ZNF567: variants seen among roughly 807,000 people sequenced by gnomAD.
The protein encoded by ZNF567 is zinc finger protein 567.
Under a neutral mutation model 53.9 loss-of-function variants are expected in ZNF567, and 36 were observed. That is an observed-to-expected ratio of 0.67 (90% confidence interval 0.51 to 0.88). The LOEUF is 0.88. Ranked by LOEUF, ZNF567 falls within the 40% of genes least tolerant of loss-of-function variation. The probability of loss-of-function intolerance (pLI) is 0.00; values close to 1 mark genes in which losing one functional copy is unlikely to be tolerated. For synonymous variants in ZNF567, 224 were observed against 260.4 expected (o/e 0.86, Z 1.35); for missense variants, 619 against 764.7 (o/e 0.81, Z 2.25).
the ZNF567 span, among the ~76,000 whole-genome samples, chr19:36,681,561 C>A: frequency 6.6e-6 from 1 of 151,968 alleles, no homozygotes; most frequent in Non-Finnish European, 1.5e-5. Context: ...TCCCAAGTAT[C>A]TGGGACTACA....
chr19:36,694,937 T>C (rs369748402), intron 3 of ZNF567, 61 bp downstream of exon 3: 2 of 1,484,538 alleles, frequency 1.3e-6, no homozygotes, highest in African/African-American at 2.9e-5. Flanking sequence ...TTTAAGGATA[T>C]TTGGGCATGT....
intron 2 of ZNF567, 55 bp downstream of exon 2, chr19:36,689,552 C>T (rs956878769): frequency 1.6e-4 from 25 of 152,114 alleles, no homozygotes; most frequent in Admixed American, 1.2e-3. Flanking sequence ...TCCAGATACA[C>T]TTCCCTTCTC....
downstream of ZNF567, among the ~76,000 whole-genome samples, chr19:36,722,528 C>T (rs1568724084): frequency 6.6e-6 from 1 of 152,124 alleles, no homozygotes; most frequent in African/African-American, 2.4e-5. Flanking sequence ...TCTTGAACTC[C>T]TGACCTCGTG....
the ZNF567 span, among the ~76,000 whole-genome samples, chr19:36,679,130 C>G: frequency 1.3e-5 from 2 of 152,018 alleles, no homozygotes; most frequent in Non-Finnish European, 2.9e-5. Context: ...AATAAAAATA[C>G]AAAAAATTAA....
At chr19:36,721,895 C>T (rs939801234), downstream of ZNF567, among the ~76,000 whole-genome samples, 8 of 151,900 alleles carry the variant, frequency 5.3e-5, no homozygotes, top group Non-Finnish European at 2.9e-5. Flanking sequence ...CAGGCATGTG[C>T]CATCACGCCC....
the ZNF567 span, among the ~76,000 whole-genome samples, chr19:36,672,789 T>TC: frequency 6.6e-6 from 1 of 152,086 alleles, no homozygotes. Flanking sequence ...AAAACTACCA[T>TC]CCAGACCCTT....
At chr19:36,673,508 C>T in the ZNF567 span, among the ~76,000 whole-genome samples, 1 of 152,254 alleles carries the variant, frequency 6.6e-6, no homozygotes, top group East Asian at 1.9e-4. Flanking sequence ...AGTACAAAGG[C>T]TAATGTCTGA....
downstream of ZNF567, among the ~76,000 whole-genome samples, chr19:36,722,784 T>C (rs1461672220): frequency 6.6e-6 from 1 of 152,168 alleles, no homozygotes; most frequent in Non-Finnish European, 1.5e-5. Flanking sequence ...TTTCTGATAA[T>C]TTCATAGCAA....
chr19:36,724,131 C>T (rs2040324808), downstream of ZNF567, among the ~76,000 whole-genome samples: 1 of 150,482 alleles, frequency 6.6e-6, no homozygotes, highest in African/African-American at 2.4e-5. Context: ...CTCAGTCTCC[C>T]GAGTAGCTGG....
intron 3 of ZNF567, among the ~76,000 whole-genome samples, chr19:36,703,943 T>C (rs1252447741): frequency 6.6e-6 from 1 of 152,214 alleles, no homozygotes; most frequent in Non-Finnish European, 1.5e-5. Context: ...CCCACTGTCC[T>C]GCGCCCACTG....
intron 5 of ZNF567, chr19:36,714,438 A>G: frequency 2.5e-6 from 1 of 398,344 alleles, no homozygotes; most frequent in Non-Finnish European, 4.4e-6. Flanking sequence ...CTGGGATTAC[A>G]GGCTTGAGCC....
chr19:36,700,921 C>A (rs964862888), intron 3 of ZNF567, among the ~76,000 whole-genome samples: 78 of 151,928 alleles, frequency 5.1e-4, no homozygotes, highest in Admixed American at 1.2e-3. Flanking sequence ...TCTCTATTTC[C>A]TTCAGTTCTG....
intron 3 of ZNF567, among the ~76,000 whole-genome samples, chr19:36,702,379 C>T (rs9676345): frequency 0.32 from 48,684 of 150,030 alleles, 8,215 homozygotes; most frequent in East Asian, 0.57. Flanking sequence ...ATTTCAACTT[C>T]GGTGAATCTG....
At chr19:36,694,962 A>G (rs2038804133) in intron 3 of ZNF567, 86 bp downstream of exon 3, 1 of 1,377,296 alleles carries the variant, frequency 7.3e-7, no homozygotes, top group Admixed American at 2.7e-5. Context: ...GTCTTGTCCT[A>G]CATCCTCCTA....
chr19:36,676,432 T>C, the ZNF567 span, among the ~76,000 whole-genome samples: 1 of 151,770 alleles, frequency 6.6e-6, no homozygotes, highest in Non-Finnish European at 1.5e-5. Flanking sequence ...ATTTTTAAAC[T>C]AGTATATTCC....
intron 3 of ZNF567, among the ~76,000 whole-genome samples, chr19:36,695,566 G>T (rs1864683883): frequency 6.6e-6 from 1 of 151,982 alleles, no homozygotes. Flanking sequence ...AGGTGCAGTG[G>T]CATGCACCTG....
chr19:36,689,934 C>T (rs533969384), intron 2 of ZNF567, among the ~76,000 whole-genome samples: 9 of 152,330 alleles, frequency 5.9e-5, no homozygotes, highest in African/African-American at 2.2e-4. Context: ...ATGCTCCTCT[C>T]TCAGCCTCTC....
At chr19:36,677,668 G>A in the ZNF567 span, among the ~76,000 whole-genome samples, 21 of 151,844 alleles carry the variant, frequency 1.4e-4, no homozygotes, top group Non-Finnish European at 2.4e-4. Context: ...TTGGGAGGCT[G>A]AGGCAGAAGA....
At chr19:36,702,515 A>C (rs1000860547) in intron 3 of ZNF567, among the ~76,000 whole-genome samples, 4 of 151,968 alleles carry the variant, frequency 2.6e-5, no homozygotes, top group Non-Finnish European at 4.4e-5. Flanking sequence ...TATCCTGCAG[A>C]GTGTTTTCCA....
Sources: allele counts gnomAD v4.1 joint callset (sites outside exome capture counted in the v4.1 genomes callset), GRCh38; gene constraint gnomAD v4.1.1; transcripts MANE v1.5; gene names NCBI Gene and HGNC (gene_info 2026-07-23, HGNC 2026-07-21).